Variants in ARHGAP15 observed in about 807,000 individuals in gnomAD.
ARHGAP15 encodes the protein rho GTPase-activating protein 15.
Under a neutral mutation model 63.7 loss-of-function variants are expected in ARHGAP15, and 51 were observed. The observed-to-expected ratio is 0.80, with a 90% CI of 0.64 to 1.01. ARHGAP15 has a LOEUF of 1.01. Ranked by LOEUF, ARHGAP15 falls within the 50% of genes least tolerant of loss-of-function variation. The pLI is 0.00. For missense variants in ARHGAP15, 560 were observed against 564.6 expected (o/e 0.99, Z 0.08); for synonymous variants, 191 against 193.8 (o/e 0.99, Z 0.12).
At chr2:143,390,281 G>A (rs1348054509) in intron 6 of ARHGAP15, among the ~76,000 whole-genome samples, 1 of 152,086 alleles carries the variant, frequency 6.6e-6, no homozygotes, top group East Asian at 1.9e-4. Flanking sequence ...AGACCCTGGC[G>A]ATTCCTTTTA....
intron 12 of ARHGAP15, among the ~76,000 whole-genome samples, chr2:143,665,735 T>C (rs1040112139): frequency 6.6e-6 from 1 of 150,968 alleles, no homozygotes; most frequent in African/African-American, 2.4e-5. Flanking sequence ...GGATACAAAA[T>C]CAATGTACAA....
intron 6 of ARHGAP15, among the ~76,000 whole-genome samples, chr2:143,404,291 G>T (rs1315640938): frequency 1.3e-5 from 2 of 151,824 alleles, no homozygotes; most frequent in Non-Finnish European, 2.9e-5. Flanking sequence ...GACAATGATA[G>T]TGGCAATGAT....
intron 12 of ARHGAP15, among the ~76,000 whole-genome samples, chr2:143,665,393 A>C (rs1249479922): frequency 1.4e-5 from 1 of 70,798 alleles, no homozygotes; most frequent in Non-Finnish European, 2.9e-5. Context: ...ACTCTCAATA[A>C]ATTAGGTATT....
In ARHGAP15 at chr2:143,153,873, T is replaced by TTCC. The variant is rs372991318; in HGVS notation, c.-14-1578_-14-1576dup. 6.3e-3 allele frequency among the ~76,000 whole-genome samples: 296 copies of TTCC among 46,840 alleles called. 12 individuals carry two copies. The East Asian group carries it at 0.087, about 14-fold the overall frequency. 30.7% of individuals were successfully genotyped at this position (46,840 alleles called of 152,430 possible). A position where few individuals can be genotyped will look rare whatever the true frequency, so the allele number is the denominator to read the frequency against. On this transcript the variant is annotated intron_variant, in intron 1 of 13. Coordinates refer to ENST00000295095, the MANE Select transcript of ARHGAP15 (RefSeq NM_018460.4). ...CCTCCTCCTCCTCCTCCTCCTCCTC[T>TTCC]TCCTCCTCCTCCTCCTCCTCCTCCT...
intron 6 of ARHGAP15, among the ~76,000 whole-genome samples, chr2:143,345,995 T>C (rs760900672): frequency 6.6e-6 from 1 of 152,058 alleles, no homozygotes; most frequent in Non-Finnish European, 1.5e-5. Context: ...TTCTTATAAC[T>C]TGTGCATATT....
chr2:143,259,106 G>A (rs951128280), intron 6 of ARHGAP15, among the ~76,000 whole-genome samples: 3 of 151,862 alleles, frequency 2.0e-5, no homozygotes, highest in Non-Finnish European at 4.4e-5. Flanking sequence ...GCAAGCTTCT[G>A]ATATTTGAGA....
chr2:143,299,463 A>G (rs1682800195), intron 6 of ARHGAP15, among the ~76,000 whole-genome samples: 1 of 152,010 alleles, frequency 6.6e-6, no homozygotes, highest in Admixed American at 6.6e-5. Flanking sequence ...TCTCATTATA[A>G]ACATATATTA....
chr2:143,145,824 T>A (rs1574006764), intron 1 of ARHGAP15, among the ~76,000 whole-genome samples: 1 of 145,936 alleles, frequency 6.9e-6, no homozygotes, highest in South Asian at 2.2e-4. Context: ...TCCTTCCAAT[T>A]TATATATGTA....
intron 10 of ARHGAP15, among the ~76,000 whole-genome samples, chr2:143,547,003 C>G (rs1695362241): frequency 6.6e-6 from 1 of 152,038 alleles, no homozygotes. Context: ...CATTTCAATT[C>G]ATCATCTTTG....
intron 2 of ARHGAP15, among the ~76,000 whole-genome samples, chr2:143,190,581 A>G (rs1008581371): frequency 5.3e-5 from 8 of 152,094 alleles, no homozygotes; most frequent in African/African-American, 1.9e-4. Context: ...AGACTCTAGA[A>G]GCTTCCTTGT....
At chr2:143,589,144 G>C (rs899668708) in intron 11 of ARHGAP15, among the ~76,000 whole-genome samples, 17 of 152,092 alleles carry the variant, frequency 1.1e-4, no homozygotes, top group African/African-American at 3.9e-4. Flanking sequence ...CTAACCCTTA[G>C]TTTCCTCCTT....
chr2:143,661,542 A>G (rs540255699), intron 12 of ARHGAP15, among the ~76,000 whole-genome samples: 18 of 152,106 alleles, frequency 1.2e-4, no homozygotes, highest in African/African-American at 3.1e-4. Flanking sequence ...TTAAATGATG[A>G]CTCCTTGAAA....
chr2:143,314,875 A>T (rs1189887473), intron 6 of ARHGAP15, among the ~76,000 whole-genome samples: 1 of 152,234 alleles, frequency 6.6e-6, no homozygotes. Context: ...CAGTTAAAAC[A>T]CTTTGACAAA....
intron 1 of ARHGAP15, among the ~76,000 whole-genome samples, chr2:143,142,704 C>T (rs147878688): frequency 1.6e-3 from 241 of 152,128 alleles, no homozygotes; most frequent in Non-Finnish European, 2.4e-3. Context: ...CATTTAAATA[C>T]ACATACATGT....
At chr2:143,707,231 A>C (rs1684369273) in intron 13 of ARHGAP15, among the ~76,000 whole-genome samples, 1 of 152,204 alleles carries the variant, frequency 6.6e-6, no homozygotes, top group East Asian at 1.9e-4. Flanking sequence ...GATGGACGTC[A>C]AAAGGAAAGA....
chr2:143,708,439 G>A (rs1684427908), intron 13 of ARHGAP15, among the ~76,000 whole-genome samples: 1 of 152,054 alleles, frequency 6.6e-6, no homozygotes, highest in African/African-American at 2.4e-5. Context: ...CCCATCTCAG[G>A]ATCTTTTTCC....
chr2:143,452,160 G>A (rs1286871808), intron 8 of ARHGAP15, among the ~76,000 whole-genome samples: 3 of 152,004 alleles, frequency 2.0e-5, no homozygotes, highest in African/African-American at 7.2e-5. Flanking sequence ...TATACACAGA[G>A]AATCGTCTGC....
chr2:143,744,341 C>G lies in ARHGAP15; in HGVS notation c.1245-23648C>G, dbSNP rs565481168. On this transcript the variant is annotated intron_variant, in intron 13 of 13. Transcript: ENST00000295095. Reference sequence around the variant, plus strand: ...ATTCTACTGACAGTGTTTGGTTTTCCTTATGGTCATCAGCTGGATGACTAC... The same window carrying G: ...ATTCTACTGACAGTGTTTGGTTTTCGTTATGGTCATCAGCTGGATGACTAC... 2.0e-5 allele frequency among the ~76,000 whole-genome samples: 3 copies of G among 152,296 alleles called. No homozygotes were observed. The East Asian group carries it at 5.8e-4, about 29-fold the overall frequency.
rs187849492 is a variant in ARHGAP15, at chr2:143,234,727, C to T, written c.384+6059C>T. ...ATCGGTTCTCCCTTATTCTTTATAA[C>T]ACTTTGGCCAGGACCTTGCTCCATT... is the stretch of plus-strand genomic sequence containing the variant. On this transcript the variant is annotated intron_variant, in intron 5 of 13. Coordinates refer to ENST00000295095, the MANE Select transcript of ARHGAP15 (RefSeq NM_018460.4). Among the ~76,000 whole-genome samples the T allele has an allele frequency of 5.3e-5, 8 of 152,270 alleles. No homozygotes were observed. In the East Asian group the frequency reaches 7.7e-4, roughly 15 times the overall value.
Sources: gnomAD v4.1 joint callset for allele counts (sites outside exome capture counted in the v4.1 genomes callset) on GRCh38, gnomAD v4.1.1 for gene constraint, MANE v1.5 for transcripts, NCBI Gene and HGNC (gene_info 2026-07-23, HGNC 2026-07-21) for gene names.